CCDC7: variants seen among roughly 807,000 people sequenced by gnomAD.
CCDC7 encodes coiled-coil domain-containing protein 7.
CCDC7 carries 183 observed loss-of-function variants against 196.9 expected under a neutral mutation model. The observed-to-expected ratio is 0.93, with a 90% confidence interval of 0.82 to 1.05. The LOEUF is 1.05. CCDC7 is among the 50% of genes least tolerant of loss of function. The probability of loss-of-function intolerance (pLI) is 0.00; values close to 1 mark genes in which losing one functional copy is unlikely to be tolerated. For synonymous variants in CCDC7, 525 were observed against 484.6 expected (o/e 1.08, Z -1.10); for missense variants, 1,540 against 1,482.2 (o/e 1.04, Z -0.64).
chr10:32,595,822 G>A (rs183288522), intron 18 of CCDC7, among the ~76,000 whole-genome samples: 1 of 152,300 alleles, frequency 6.6e-6, no homozygotes, highest in Non-Finnish European at 1.5e-5. Context: ...TTCAGAAGCA[G>A]GTTGTTCAGT....
chr10:32,639,212 G>T (rs576907502), intron 20 of CCDC7, among the ~76,000 whole-genome samples: 1 of 152,064 alleles, frequency 6.6e-6, no homozygotes, highest in Non-Finnish European at 1.5e-5. Flanking sequence ...TTTTTGAAGG[G>T]TTTTTTGGGT....
At chr10:32,762,177 G>A (rs1031827487) in intron 28 of CCDC7, among the ~76,000 whole-genome samples, 1 of 151,894 alleles carries the variant, frequency 6.6e-6, no homozygotes, top group African/African-American at 2.4e-5. Flanking sequence ...AACATTTACA[G>A]TTTCTGTCAG....
intron 28 of CCDC7, among the ~76,000 whole-genome samples, chr10:32,739,606 G>C (rs1240526460): frequency 6.7e-6 from 1 of 150,354 alleles, no homozygotes; most frequent in South Asian, 2.1e-4. Context: ...GAAAAATTCT[G>C]CCATATCTGA....
chr10:32,871,357 ATTTC>A (rs2094423696), intron 41 of CCDC7, among the ~76,000 whole-genome samples: 1 of 151,986 alleles, frequency 6.6e-6, no homozygotes, highest in Admixed American at 6.6e-5. Context: ...GAATTTATCC[ATTTC>A]TTCTAGATTT....
intron 35 of CCDC7, 86 bp from the exon 37 acceptor site, chr10:32,845,790 C>T (rs866035889): frequency 5.6e-6 from 6 of 1,063,502 alleles, no homozygotes; most frequent in South Asian, 2.9e-5. Context: ...CACACACACA[C>T]ACACATACAC....
intron 41 of CCDC7, among the ~76,000 whole-genome samples, chr10:32,870,804 C>T (rs1005938463): frequency 2.1e-4 from 32 of 151,840 alleles, no homozygotes; most frequent in Non-Finnish European, 1.6e-4. Context: ...TTTAGCATGA[C>T]GAGTTGTTGA....
At chr10:32,626,525 T>C (rs980374516) in intron 18 of CCDC7, among the ~76,000 whole-genome samples, 2 of 152,012 alleles carry the variant, frequency 1.3e-5, no homozygotes, top group African/African-American at 4.8e-5. Flanking sequence ...CTCTTCAAAT[T>C]ATTAATAATT....
intron 28 of CCDC7, among the ~76,000 whole-genome samples, chr10:32,747,583 A>T (rs867189314): frequency 2.0e-5 from 3 of 152,230 alleles, no homozygotes; most frequent in Admixed American, 1.3e-4. Flanking sequence ...GAACACATAC[A>T]TGCGGCCAAC....
chr10:32,527,386 A>G (rs1023587464), intron 11 of CCDC7, among the ~76,000 whole-genome samples: 1 of 151,466 alleles, frequency 6.6e-6, no homozygotes, highest in Non-Finnish European at 1.5e-5. Context: ...GCGATTGCTC[A>G]CCTGATTTTT....
At chr10:32,590,207 T>C (rs1051385518) in intron 18 of CCDC7, among the ~76,000 whole-genome samples, 1 of 152,124 alleles carries the variant, frequency 6.6e-6, no homozygotes, top group African/African-American at 2.4e-5. Flanking sequence ...ATTACTTGCT[T>C]TTTATTTTTT....
chr10:32,637,236 A>C (rs1239832605), intron 20 of CCDC7, among the ~76,000 whole-genome samples: 1 of 152,142 alleles, frequency 6.6e-6, no homozygotes, highest in Non-Finnish European at 1.5e-5. Flanking sequence ...TAGTTTAATT[A>C]GATCCTATTT....
chr10:32,823,709 A>G (rs2090647017), intron 31 of CCDC7, among the ~76,000 whole-genome samples: 1 of 152,194 alleles, frequency 6.6e-6, no homozygotes, highest in Non-Finnish European at 1.5e-5. Context: ...CTGTTTTTCA[A>G]TATGAAATTC....
chr10:32,781,614 C>A (rs73255971), intron 29 of CCDC7, among the ~76,000 whole-genome samples: 2 of 152,042 alleles, frequency 1.3e-5, no homozygotes, highest in Admixed American at 6.6e-5. Flanking sequence ...TACCCTTTCA[C>A]GTAAAAACAG....
chr10:32,615,162 G>A (rs1250209240), intron 18 of CCDC7, among the ~76,000 whole-genome samples: 1 of 152,032 alleles, frequency 6.6e-6, no homozygotes, highest in East Asian at 1.9e-4. Context: ...TTATCTTTTT[G>A]TATAATGATT....
At chr10:32,719,527 A>G (rs748129116) in intron 25 of CCDC7, among the ~76,000 whole-genome samples, 1 of 152,244 alleles carries the variant, frequency 6.6e-6, no homozygotes, top group Non-Finnish European at 1.5e-5. Flanking sequence ...GACAAATGAG[A>G]TCTAATTAAA....
chr10:32,763,016 A>G (rs947898377), intron 28 of CCDC7, among the ~76,000 whole-genome samples: 2 of 151,976 alleles, frequency 1.3e-5, no homozygotes, highest in Non-Finnish European at 2.9e-5. Context: ...AAGTGGAAGT[A>G]TAATAAAACT....
At chr10:32,544,754 A>T (rs1274453479) in intron 13 of CCDC7, among the ~76,000 whole-genome samples, 5 of 152,170 alleles carry the variant, frequency 3.3e-5, no homozygotes, top group Non-Finnish European at 7.4e-5. Flanking sequence ...TTTAAGATGC[A>T]ACGAAAAACT....
intron 32 of CCDC7, among the ~76,000 whole-genome samples, chr10:32,825,212 GAT>G (rs2090933551): frequency 6.6e-6 from 1 of 152,228 alleles, no homozygotes; most frequent in South Asian, 2.1e-4. Flanking sequence ...ATCCAAAAGT[GAT>G]TGTGTGTTAT....
intron 13 of CCDC7, among the ~76,000 whole-genome samples, chr10:32,551,928 A>G (rs2053549358): frequency 7.7e-6 from 1 of 130,132 alleles, no homozygotes; most frequent in Non-Finnish European, 1.8e-5. Flanking sequence ...GTTCTAAGGT[A>G]TAGTTTAAAT....
Sources: allele counts gnomAD v4.1 joint callset (sites outside exome capture counted in the v4.1 genomes callset), GRCh38; gene constraint gnomAD v4.1.1; transcripts MANE v1.5; gene names NCBI Gene and HGNC (gene_info 2026-07-23, HGNC 2026-07-21).